The following SH3PXD2A variants were observed in gnomAD, a reference collection of about 807,000 sequenced individuals.
SH3PXD2A encodes the protein SH3 and PX domain-containing protein 2A.
A neutral mutation model predicts 115.2 loss-of-function variants in SH3PXD2A; 32 were observed. The observed-to-expected ratio is 0.28, with a 90% CI of 0.21 to 0.37. SH3PXD2A has a LOEUF of 0.37. Among genes scored for constraint, SH3PXD2A ranks in the 10% least tolerant of loss-of-function variants. The pLI is 1.00. For missense variants in SH3PXD2A, 1,328 were observed against 1,498.7 expected (o/e 0.89, Z 1.88); for synonymous variants, 610 against 629.1 (o/e 0.97, Z 0.45).
chr10:103,716,337 G>A (rs2038104907), intron 5 of SH3PXD2A, among the ~76,000 whole-genome samples: 1 of 152,136 alleles, frequency 6.6e-6, no homozygotes, highest in Non-Finnish European at 1.5e-5. Context: ...TGATGGGCAG[G>A]CTGAGGCAGG....
rs533057120 is a variant in SH3PXD2A, at chr10:103,628,922, C to T, written c.605-1720G>A. 2.2e-4 allele frequency among the ~76,000 whole-genome samples: 34 copies of T among 152,352 alleles called. 1 individual carries two copies. Among genetic ancestry groups the T allele is most frequent in the Admixed American group, 2.2e-3 (33 of 15,310 alleles). On this transcript the variant is annotated intron_variant, in intron 8 of 14. Transcript: ENST00000369774. ...TCTCAGACTGTCCGTGCCCGGGCCA[C>T]TTACTGCCACGTTTATTTCATAAAC...
chr10:103,819,015 C>G (rs1048811495), intron 1 of SH3PXD2A, among the ~76,000 whole-genome samples: 1 of 152,224 alleles, frequency 6.6e-6, no homozygotes, highest in Non-Finnish European at 1.5e-5. Context: ...TTGATCCGGG[C>G]TTCCTTTGTT....
intron 6 of SH3PXD2A, 56 bp downstream of exon 6, chr10:103,692,972 C>A: frequency 2.5e-6 from 3 of 1,220,586 alleles, no homozygotes; most frequent in Non-Finnish European, 3.6e-6. Context: ...ATCGGAGGGG[C>A]GCGTGCACGA....
At chr10:103,824,421 C>T (rs1347066054) in intron 1 of SH3PXD2A, among the ~76,000 whole-genome samples, 1 of 152,192 alleles carries the variant, frequency 6.6e-6, no homozygotes, top group Non-Finnish European at 1.5e-5. Context: ...GCTTCCAGCA[C>T]AGAGGCTGGG....
chr10:103,664,818 C>G (rs2037363003), intron 7 of SH3PXD2A, among the ~76,000 whole-genome samples: 1 of 152,014 alleles, frequency 6.6e-6, no homozygotes, highest in South Asian at 2.1e-4. Context: ...AGGTGCCCAC[C>G]ACCATACCTG....
At chr10:103,813,055 AAAGAT>A (rs1475827211) in intron 1 of SH3PXD2A, among the ~76,000 whole-genome samples, 1 of 152,218 alleles carries the variant, frequency 6.6e-6, no homozygotes, top group Non-Finnish European at 1.5e-5. Flanking sequence ...TATACCTACT[AAAGAT>A]AAGGTGGACT....
intron 1 of SH3PXD2A, among the ~76,000 whole-genome samples, chr10:103,828,894 T>A (rs532068813): frequency 2.3e-4 from 35 of 152,332 alleles, no homozygotes; most frequent in African/African-American, 7.9e-4. Flanking sequence ...ATTTCCCAGT[T>A]GAAAGGTGGT....
chr10:103,818,410 G>C (rs1375852255), intron 1 of SH3PXD2A, among the ~76,000 whole-genome samples: 1 of 152,210 alleles, frequency 6.6e-6, no homozygotes, highest in Non-Finnish European at 1.5e-5. Flanking sequence ...CAGCAGCTGT[G>C]CCTGGCTGGT....
intron 1 of SH3PXD2A, among the ~76,000 whole-genome samples, chr10:103,806,859 C>T (rs2039207719): frequency 6.6e-6 from 1 of 152,142 alleles, no homozygotes; most frequent in African/African-American, 2.4e-5. Context: ...GGCTCAGGCC[C>T]TCCCACCATG....
At chr10:103,701,567 C>A (rs1473046654) in intron 5 of SH3PXD2A, among the ~76,000 whole-genome samples, 1 of 149,096 alleles carries the variant, frequency 6.7e-6, no homozygotes, top group African/African-American at 2.5e-5. Context: ...CATCATCTAT[C>A]CATTCATCCA....
chr10:103,820,733 C>T (rs909907159), intron 1 of SH3PXD2A, among the ~76,000 whole-genome samples: 26 of 146,240 alleles, frequency 1.8e-4, no homozygotes, highest in African/African-American at 5.2e-4. Flanking sequence ...AGATAAGGGG[C>T]GGGGGGGTTG....
At chr10:103,728,876 G>GTT (rs11399791) in intron 4 of SH3PXD2A, among the ~76,000 whole-genome samples, 12 of 142,702 alleles carry the variant, frequency 8.4e-5, no homozygotes, top group African/African-American at 2.6e-4. Context: ...GCAAAGAGTT[G>GTT]TTTTTTTTGT....
chr10:103,708,330 C>T (rs1403505217), intron 5 of SH3PXD2A, among the ~76,000 whole-genome samples: 1 of 152,204 alleles, frequency 6.6e-6, no homozygotes, highest in Non-Finnish European at 1.5e-5. Flanking sequence ...ACCTTCCCTG[C>T]GGCTGCCAGG....
chr10:103,779,029 C>A (rs1217416408), intron 2 of SH3PXD2A, among the ~76,000 whole-genome samples: 1 of 152,170 alleles, frequency 6.6e-6, no homozygotes, highest in Non-Finnish European at 1.5e-5. Context: ...AATAGTGTCT[C>A]CCCAGGAGTC....
chr10:103,839,477 C>T (rs1017652482), intron 1 of SH3PXD2A, among the ~76,000 whole-genome samples: 2 of 152,240 alleles, frequency 1.3e-5, no homozygotes, highest in Non-Finnish European at 2.9e-5. Context: ...TTAATTAACC[C>T]GTGCCATCCT....
chr10:103,770,435 A>C (rs966597756), intron 2 of SH3PXD2A, among the ~76,000 whole-genome samples: 10 of 152,198 alleles, frequency 6.6e-5, no homozygotes, highest in Non-Finnish European at 1.2e-4. Flanking sequence ...TCCTGGCTTC[A>C]AGCGATCCTC....
chr10:103,758,153 G>A (rs1028984256), intron 3 of SH3PXD2A, among the ~76,000 whole-genome samples: 7 of 152,336 alleles, frequency 4.6e-5, no homozygotes, highest in Admixed American at 3.9e-4. Context: ...AGGTGGAGCC[G>A]CTCTGGAGTG....
chr10:103,608,150 T>TTAC (rs2036356171), intron 13 of SH3PXD2A, among the ~76,000 whole-genome samples: 4 of 32,670 alleles, frequency 1.2e-4, no homozygotes, highest in Admixed American at 4.1e-4. Flanking sequence ...ATGATCAATT[T>TTAC]AAAAAAAAAA....
chr10:103,855,210 G>T lies in SH3PXD2A; in HGVS notation c.57C>A (p.Asn19Lys). 6.5e-7 allele frequency: 1 copy of T among 1,538,484 alleles called. No individual in the cohort carries two copies. Among genetic ancestry groups the T allele is most frequent in the Non-Finnish European group, 8.8e-7 (1 of 1,140,792 alleles). The change falls in exon 1 of 15, where the codon AAC becomes AAA. Residue 19 changes from asparagine (N) to lysine (K), a missense_variant. By Grantham distance (94) the Asn-to-Lys change is moderately conservative. Coordinates refer to ENST00000369774, the MANE Select transcript of SH3PXD2A (RefSeq NM_001394015.1). ...CTGTACTCACGTAGTGCTTGGAGGGGTTCCTCCGCTTCTCCACGTCCACCA... is the reference window on the plus strand; with the variant it reads ...CTGTACTCACGTAGTGCTTGGAGGGTTTCCTCCGCTTCTCCACGTCCACCA... ...ATVVDVEKRRNPSKHYVYIIN... is the reference protein window; with the variant it reads ...ATVVDVEKRRKPSKHYVYIIN...
Sources: gnomAD v4.1 joint callset for allele counts (sites outside exome capture counted in the v4.1 genomes callset) on GRCh38, gnomAD v4.1.1 for gene constraint, MANE v1.5 for transcripts, NCBI Gene and HGNC (gene_info 2026-07-23, HGNC 2026-07-21) for gene names.